Variants in YAF2 observed in about 807,000 individuals in gnomAD.
YAF2 encodes the protein YY1-associated factor 2.
In YAF2, 7 loss-of-function variants were observed where a neutral mutation model predicts 20.1. That is an observed-to-expected ratio of 0.35 (90% CI 0.20 to 0.65). The LOEUF is 0.65. Ranked by LOEUF, YAF2 falls within the 30% of genes least tolerant of loss-of-function variation. YAF2 has a pLI of 0.69. For missense variants in YAF2, 151 were observed against 219.2 expected (o/e 0.69, Z 1.96); for synonymous variants, 74 against 76.0 (o/e 0.97, Z 0.14).
At chr12:42,208,626 T>G (rs1238261809) in intron 2 of YAF2, among the ~76,000 whole-genome samples, 4 of 152,020 alleles carry the variant, frequency 2.6e-5, no homozygotes, top group Non-Finnish European at 4.4e-5. Context: ...TTAAATAAAT[T>G]CCATGAATTA....
At position 42,235,051 on chromosome 12, in the gene YAF2, G is replaced by C. The variant is rs139849170; in HGVS notation, c.152+2548C>G. On this transcript the variant is annotated intron_variant, in intron 2 of 3. Coordinates refer to ENST00000534854, the MANE Select transcript of YAF2 (RefSeq NM_005748.6). ...AACAAGGACTCAATCTTCTCTGCAG[G>C]TCTAAAAAGAAAAAAGTTTTTCAAA... 6.1e-6 allele frequency: 6 copies of C among 985,346 alleles called. No individual in the cohort carries two copies. In the African/African-American group the frequency reaches 1.0e-4, roughly 17 times the overall value. The allele number at this position is 985,346 out of a possible 1,614,324, so 61.0% of individuals were successfully genotyped here.
At chr12:42,176,966 T>G (rs1454861366) in intron 2 of YAF2, among the ~76,000 whole-genome samples, 1 of 152,108 alleles carries the variant, frequency 6.6e-6, no homozygotes, top group South Asian at 2.1e-4. Context: ...AAACTCTGTC[T>G]CAAAAAATAA....
At chr12:42,166,946 T>A (rs1015024485) in intron 2 of YAF2, among the ~76,000 whole-genome samples, 1 of 152,178 alleles carries the variant, frequency 6.6e-6, no homozygotes, top group African/African-American at 2.4e-5. Flanking sequence ...TCCTTCTAGA[T>A]GATGCCACCA....
intron 2 of YAF2, among the ~76,000 whole-genome samples, chr12:42,198,444 G>T (rs911772066): frequency 2.8e-4 from 42 of 152,154 alleles, no homozygotes; most frequent in Admixed American, 2.4e-3. Context: ...AATTGGCCAA[G>T]TGTTGATGGC....
intron 2 of YAF2, among the ~76,000 whole-genome samples, chr12:42,165,076 A>AG (rs921483093): frequency 6.6e-6 from 1 of 151,746 alleles, no homozygotes; most frequent in Non-Finnish European, 1.5e-5. Flanking sequence ...AAAAAAAAAA[A>AG]AAAGAAAAGA....
intron 2 of YAF2, among the ~76,000 whole-genome samples, chr12:42,200,294 GA>G (rs1448595936): frequency 1.3e-5 from 2 of 152,136 alleles, no homozygotes; most frequent in African/African-American, 4.8e-5. Context: ...AAACAAGGAA[GA>G]AAACAGATTT....
chr12:42,181,878 G>GT (rs1211591192), intron 2 of YAF2, among the ~76,000 whole-genome samples: 5 of 152,036 alleles, frequency 3.3e-5, no homozygotes, highest in Admixed American at 6.5e-5. Flanking sequence ...TCTGAAAACT[G>GT]TTTTTTAACA....
chr12:42,188,383 CTTT>C (rs765727694), intron 2 of YAF2, among the ~76,000 whole-genome samples: 6 of 118,816 alleles, frequency 5.0e-5, no homozygotes, highest in Middle Eastern at 4.2e-3. Context: ...ATATATTTTG[CTTT>C]TTTTTTTTTT....
At chr12:42,185,459 T>C (rs557774043) in intron 2 of YAF2, among the ~76,000 whole-genome samples, 2 of 152,366 alleles carry the variant, frequency 1.3e-5, no homozygotes, top group South Asian at 2.1e-4. Flanking sequence ...AAAGAAGTTT[T>C]GCTGTGAGTA....
At chr12:42,223,160 G>C (rs2067573979) in intron 2 of YAF2, among the ~76,000 whole-genome samples, 1 of 152,018 alleles carries the variant, frequency 6.6e-6, no homozygotes, top group Non-Finnish European at 1.5e-5. Flanking sequence ...CGAGTTGTTT[G>C]AAAGAGGTTT....
At chr12:42,186,451 G>GCACC (rs2066476838) in intron 2 of YAF2, among the ~76,000 whole-genome samples, 1 of 152,090 alleles carries the variant, frequency 6.6e-6, no homozygotes, top group Non-Finnish European at 1.5e-5. Flanking sequence ...GCAGAGGGGT[G>GCACC]GATCACCTGA....
intron 2 of YAF2, among the ~76,000 whole-genome samples, chr12:42,195,867 A>G (rs541352744): frequency 2.0e-5 from 3 of 152,096 alleles, no homozygotes; most frequent in African/African-American, 7.2e-5. Flanking sequence ...AATGAATAGA[A>G]ATTAACTAAA....
intron 2 of YAF2, chr12:42,233,454 G>T (rs2068041997): frequency 1.0e-6 from 1 of 979,956 alleles, no homozygotes; most frequent in East Asian, 1.1e-4. Context: ...ATCACACATT[G>T]ATTATCACCC....
At chr12:42,199,856 C>G (rs1276945747) in intron 2 of YAF2, among the ~76,000 whole-genome samples, 1 of 152,024 alleles carries the variant, frequency 6.6e-6, no homozygotes, top group East Asian at 1.9e-4. Context: ...CCAACATTTC[C>G]TACAGATTAA....
At chr12:42,192,493 A>G (rs1189812037) in intron 2 of YAF2, among the ~76,000 whole-genome samples, 1 of 152,270 alleles carries the variant, frequency 6.6e-6, no homozygotes, top group East Asian at 1.9e-4. Flanking sequence ...TGGGCAACAC[A>G]GTGAGACCCT....
At chr12:42,211,259 T>C (rs1199869090) in intron 2 of YAF2, among the ~76,000 whole-genome samples, 2 of 150,026 alleles carry the variant, frequency 1.3e-5, no homozygotes, top group East Asian at 2.0e-4. Context: ...AAACCTCGTC[T>C]CTACTGAAAA....
chr12:42,230,643 AT>A (rs2067959252), intron 2 of YAF2, among the ~76,000 whole-genome samples: 2 of 152,220 alleles, frequency 1.3e-5, no homozygotes, highest in South Asian at 4.1e-4. Context: ...AAAAGGATAG[AT>A]TTAAGAGACA....
chr12:42,186,315 C>A (rs945083374), intron 2 of YAF2, among the ~76,000 whole-genome samples: 1 of 151,390 alleles, frequency 6.6e-6, no homozygotes, highest in South Asian at 2.1e-4. Context: ...GATGGTGTCA[C>A]GGCACTCCAG....
intron 2 of YAF2, among the ~76,000 whole-genome samples, chr12:42,221,006 T>C (rs1230529300): frequency 6.6e-6 from 1 of 152,092 alleles, no homozygotes; most frequent in African/African-American, 2.4e-5. Flanking sequence ...ATAAAAGACA[T>C]AAAAATGAAG....
Sources: gnomAD v4.1 joint callset for allele counts (sites outside exome capture counted in the v4.1 genomes callset) on GRCh38, gnomAD v4.1.1 for gene constraint, MANE v1.5 for transcripts, NCBI Gene and HGNC (gene_info 2026-07-23, HGNC 2026-07-21) for gene names.